UBXN11: variants seen among roughly 807,000 people sequenced by gnomAD.
UBXN11 encodes UBX domain-containing protein 11.
UBXN11 carries 47 observed loss-of-function variants against 62.8 expected under a neutral mutation model. The ratio of observed to expected loss-of-function variants is 0.75; its 90% CI spans 0.59 to 0.95. The LOEUF (loss-of-function observed/expected upper bound fraction) is 0.95, where lower values mean the gene tolerates loss of function less well. UBXN11 is among the 40% of genes least tolerant of loss of function. The probability of loss-of-function intolerance (pLI) is 0.00; values close to 1 mark genes in which losing one functional copy is unlikely to be tolerated. For missense variants in UBXN11, 638 were observed against 661.7 expected, an observed-to-expected ratio of 0.96 and a Z score of 0.39; for synonymous variants, 294 against 267.0, an observed-to-expected ratio of 1.10 and a Z score of -0.99.
chr1:26,300,914 C>G lies in UBXN11; in HGVS notation c.199+12G>C, dbSNP rs2073517210. ...CAGCCAGGACCCAGACCCTTCAGGC[C>G]TCTGCTCTCACCTTGCCGACTCACA... On this transcript the variant is annotated intron_variant, in intron 4 of 14. Coordinates refer to ENST00000374222, the MANE Select transcript of UBXN11 (RefSeq NM_001389556.1). The G allele has an allele frequency of 3.1e-6, 5 of 1,614,090 alleles. No homozygotes were observed. The highest frequency in any genetic ancestry group is 1.7e-5 in the Admixed American group (1 of 60,008).
intron 12 of UBXN11, 25 bp downstream of exon 12, chr1:26,284,117 C>A: frequency 1.3e-6 from 2 of 1,575,706 alleles, no homozygotes; most frequent in Non-Finnish European, 1.7e-6. Context: ...CCCAGGAGGG[C>A]TGGGGGAGTT....
Position 26,297,418 on chromosome 1 carries a change from G to A in UBXN11, c.355+9C>T. On this transcript the variant is annotated intron_variant, in intron 6 of 14. Coordinates refer to ENST00000374222, the MANE Select transcript of UBXN11 (RefSeq NM_001389556.1). Reference sequence around the variant, plus strand: ...GGGGGCGCAGGTCAGCCCTCCAAGAGCCCCCTACCTGGGTGTGGCCGGAGG... The same window carrying A: ...GGGGGCGCAGGTCAGCCCTCCAAGAACCCCCTACCTGGGTGTGGCCGGAGG... 1.3e-6 allele frequency: 2 copies of A among 1,539,060 alleles called. No individual in the cohort carries two copies. Among genetic ancestry groups the A allele is most frequent in the Non-Finnish European group, 1.8e-6 (2 of 1,142,250 alleles).
chr1:26,315,884 T>G (rs2073785762), intron 1 of UBXN11, among the ~76,000 whole-genome samples: 2 of 151,608 alleles, frequency 1.3e-5, no homozygotes, highest in Non-Finnish European at 2.9e-5. Context: ...GGTCTAGAAC[T>G]CCTGACCTCA....
In UBXN11 at chr1:26,297,998, C is replaced by T. The variant is rs74477400; in HGVS notation, c.264G>A (p.Gln88=). ...TCTCATCAGTCTGGGCCTTCACCTG[C>T]TGCTCCAGGTCCCACAACTTCCTCG... is the stretch of plus-strand genomic sequence containing the variant. ...FMTRKLWDLE[Q]QVKAQTDEIL... Residue 88 remains glutamine, a synonymous_variant, in exon 5 of 15, where the codon CAG becomes CAA. Transcript: ENST00000374222. 8.4e-5 allele frequency: 135 copies of T among 1,614,034 alleles called. No homozygotes were observed. The East Asian group carries it at 2.7e-3, about 33-fold the overall frequency.
intron 10 of UBXN11, 47 bp downstream of exon 10, chr1:26,285,417 C>G: frequency 6.3e-7 from 1 of 1,592,720 alleles, no homozygotes; most frequent in Non-Finnish European, 8.5e-7. Context: ...TGTATCCCCA[C>G]TCCCTTCAAA....
intron 1 of UBXN11, among the ~76,000 whole-genome samples, chr1:26,314,022 G>C (rs947185951): frequency 1.3e-5 from 2 of 151,958 alleles, no homozygotes; most frequent in African/African-American, 4.8e-5. Flanking sequence ...CCTTGTGATC[G>C]ACTCGCCTCG....
chr1:26,304,859 T>C (rs1187931483), intron 1 of UBXN11, among the ~76,000 whole-genome samples: 1 of 152,056 alleles, frequency 6.6e-6, no homozygotes, highest in African/African-American at 2.4e-5. Context: ...CCTCAACTTC[T>C]AGCAATGCCT....
chr1:26,297,385 G>A (rs1317070878), intron 6 of UBXN11, 42 bp downstream of exon 6: 16 of 1,496,864 alleles, frequency 1.1e-5, no homozygotes, highest in Non-Finnish European at 1.2e-5. Flanking sequence ...CAGGGGAGGT[G>A]CCTGACTGGG....
At chr1:26,283,133 C>G (rs1349196100) in intron 12 of UBXN11, among the ~76,000 whole-genome samples, 196 bp from the exon 13 acceptor site, 2 of 151,908 alleles carry the variant, frequency 1.3e-5, no homozygotes, top group African/African-American at 4.8e-5. Flanking sequence ...CCCCATGGTT[C>G]CCCCCAGGTA....
intron 8 of UBXN11, among the ~76,000 whole-genome samples, chr1:26,287,314 G>A (rs544069403): frequency 2.0e-5 from 3 of 152,156 alleles, no homozygotes; most frequent in South Asian, 2.1e-4. Context: ...TCTGAAACAC[G>A]TGTGGCGCAT....
At chr1:26,297,818 A>C (rs981080533) in intron 5 of UBXN11, 144 bp downstream of exon 5, 1 of 936,394 alleles carries the variant, frequency 1.1e-6, no homozygotes, top group Non-Finnish European at 1.6e-6. Context: ...GATCAGGCCC[A>C]GGCCACACCT....
chr1:26,286,099 G>C (rs2073127490), intron 8 of UBXN11, 62 bp from the exon 9 acceptor site: 1 of 1,459,810 alleles, frequency 6.9e-7, no homozygotes, highest in African/African-American at 1.4e-5. Flanking sequence ...AGCAGCCCTA[G>C]CCTCTGTGGC....
At chr1:26,292,823 T>C (rs538241469) in intron 8 of UBXN11, among the ~76,000 whole-genome samples, 33 of 151,604 alleles carry the variant, frequency 2.2e-4, no homozygotes, top group Admixed American at 5.9e-4. Flanking sequence ...CATTGCACTC[T>C]AGCCTGGGCA....
intron 4 of UBXN11, among the ~76,000 whole-genome samples, chr1:26,300,095 GTC>G (rs2073492750): frequency 6.6e-6 from 1 of 152,198 alleles, no homozygotes; most frequent in Admixed American, 6.5e-5. Flanking sequence ...GGCTCTTCCT[GTC>G]TCTTTTTCCA....
Position 26,318,241 on chromosome 1 carries a change from C to T in UBXN11, c.-343G>A, listed in dbSNP as rs2073818512. On this transcript the variant is annotated 5_prime_UTR_variant, in exon 1 of 15. Transcript: ENST00000374217. ...CAGCGGGCCTGGCCGCCCAGCCTTC[C>T]AGCTCTTCTGGCTGGGGCTGCACTG... is the stretch of plus-strand genomic sequence containing the variant. 1.1e-5 allele frequency: 7 copies of T among 623,880 alleles called. No individual in the cohort carries two copies. The East Asian group carries it at 1.4e-4, about 12-fold the overall frequency. The allele number at this position is 623,880 out of a possible 1,614,324, so 38.6% of individuals were successfully genotyped here. A position where few individuals can be genotyped will look rare whatever the true frequency, so the allele number is the denominator to read the frequency against.
chr1:26,282,322 CAGGACA>C lies in UBXN11; in HGVS notation c.1534_1539del (p.Cys512_Pro513del), dbSNP rs1345067730. On this transcript the variant is annotated inframe_deletion, in exon 15 of 15. Transcript: ENST00000374222. Reference sequence around the variant, plus strand: ...CTTTATTGGGGGCTGGGACTGGGTCCAGGACAGGGACTGGGGCCGGGACCGGGACCG... The same window carrying C: ...CTTTATTGGGGGCTGGGACTGGGTCCGGGACTGGGGCCGGGACCGGGACCG... 7.7e-6 allele frequency: 6 copies of C among 775,888 alleles called. No homozygotes were observed. Among genetic ancestry groups the C allele is most frequent in the Admixed American group, 1.0e-4 (2 of 19,466 alleles). 48.1% of individuals were successfully genotyped at this position (775,888 alleles called of 1,614,324 possible).
chr1:26,291,133 C>T (rs561424872), intron 8 of UBXN11, among the ~76,000 whole-genome samples: 2 of 152,256 alleles, frequency 1.3e-5, no homozygotes, highest in East Asian at 1.9e-4. Flanking sequence ...CCTGGCTCAC[C>T]CTCCACAGGC....
At chr1:26,307,297 G>A (rs188585870), upstream of UBXN11, among the ~76,000 whole-genome samples, 4 of 152,266 alleles carry the variant, frequency 2.6e-5, no homozygotes, top group African/African-American at 9.6e-5. Context: ...TAGGAGTCCT[G>A]GCTCCTTACT....
At chr1:26,293,963 T>G (rs998416864) in intron 8 of UBXN11, among the ~76,000 whole-genome samples, 1 of 152,136 alleles carries the variant, frequency 6.6e-6, no homozygotes, top group Non-Finnish European at 1.5e-5. Flanking sequence ...TCTGGGTCTC[T>G]GACAGATGAG....
Sources: allele counts gnomAD v4.1 joint callset (sites outside exome capture counted in the v4.1 genomes callset), GRCh38; gene constraint gnomAD v4.1.1; transcripts MANE v1.5; gene names NCBI Gene and HGNC (gene_info 2026-07-23, HGNC 2026-07-21).